The following NLGN1 variants were observed in gnomAD, a reference collection of about 807,000 sequenced individuals.
The protein encoded by NLGN1 is neuroligin 1, also known as neuroligin-1.
NLGN1 carries 12 observed loss-of-function variants against 65.5 expected under a neutral mutation model. That is an observed-to-expected ratio of 0.18 (90% CI 0.12 to 0.30). NLGN1 has a LOEUF of 0.30. Among genes scored for constraint, NLGN1 ranks in the 10% least tolerant of loss-of-function variants. The pLI is 1.00. For missense variants in NLGN1, 750 were observed against 1,007.1 expected (o/e 0.74, Z 3.46); for synonymous variants, 350 against 359.5 (o/e 0.97, Z 0.30).
At chr3:173,825,423 C>T (rs1721144902) in intron 4 of NLGN1, among the ~76,000 whole-genome samples, 1 of 151,938 alleles carries the variant, frequency 6.6e-6, no homozygotes, top group African/African-American at 2.4e-5. Context: ...TCAATTTCAA[C>T]ATTGATTTTG....
At chr3:173,807,590 CCT>C in intron 3 of NLGN1, 88 bp from the exon 4 acceptor site, 1 of 1,413,708 alleles carries the variant, frequency 7.1e-7, no homozygotes, top group Non-Finnish European at 9.7e-7. Context: ...GAAATTATGC[CCT>C]CTTTTCACTA....
At chr3:173,769,857 C>T (rs1779327246) in intron 3 of NLGN1, among the ~76,000 whole-genome samples, 1 of 152,200 alleles carries the variant, frequency 6.6e-6, no homozygotes, top group African/African-American at 2.4e-5. Context: ...GCTTCTGCTA[C>T]ATTCTTCCCT....
At chr3:173,878,083 C>T (rs1732475743) in intron 4 of NLGN1, among the ~76,000 whole-genome samples, 1 of 151,922 alleles carries the variant, frequency 6.6e-6, no homozygotes. Flanking sequence ...GCTCTGTCAC[C>T]CAGGCTGGAG....
chr3:174,047,267 CAA>C lies in NLGN1; in HGVS notation c.647-228047_647-228046del, dbSNP rs144855538. On this transcript the variant is annotated intron_variant, in intron 4 of 6. Coordinates refer to ENST00000457714, the Ensembl canonical transcript of NLGN1. ...AAAGTGTACATTTTTCTATTTTCCACAAGTTAGTGAAAAGACAAGATTCCACT... is the reference window on the plus strand; with the variant it reads ...AAAGTGTACATTTTTCTATTTTCCACGTTAGTGAAAAGACAAGATTCCACT... Among the ~76,000 whole-genome samples, 458 of 151,994 alleles carry C rather than the reference CAA, an allele frequency of 3.0e-3. 2 individuals carry two copies. Among genetic ancestry groups the C allele is most frequent in the African/African-American group, 9.7e-3 (401 of 41,492 alleles).
chr3:174,118,528 A>G (rs1452606547), intron 4 of NLGN1, among the ~76,000 whole-genome samples: 2 of 152,202 alleles, frequency 1.3e-5, no homozygotes, highest in Admixed American at 1.3e-4. Context: ...GTTGCAATAA[A>G]TGTTAAGATT....
At chr3:173,890,383 C>T (rs188977428) in intron 4 of NLGN1, among the ~76,000 whole-genome samples, 96 of 152,158 alleles carry the variant, frequency 6.3e-4, no homozygotes, top group Non-Finnish European at 4.3e-4. Flanking sequence ...AAGGTTGGGC[C>T]GGAGACCGCA....
intron 4 of NLGN1, among the ~76,000 whole-genome samples, chr3:173,962,697 G>T (rs1403108859): frequency 2.0e-5 from 3 of 152,036 alleles, no homozygotes; most frequent in African/African-American, 7.2e-5. Context: ...TAATATAAAG[G>T]CATGTTATTT....
At chr3:174,217,015 T>C (rs1482507844) in intron 4 of NLGN1, among the ~76,000 whole-genome samples, 1 of 152,100 alleles carries the variant, frequency 6.6e-6, no homozygotes, top group East Asian at 1.9e-4. Flanking sequence ...CTTAAAACAA[T>C]GCAATTTCAT....
chr3:173,842,653 G>C (rs1319708201), intron 4 of NLGN1, among the ~76,000 whole-genome samples: 1 of 152,174 alleles, frequency 6.6e-6, no homozygotes, highest in African/African-American at 2.4e-5. Context: ...TTTGACTCCA[G>C]GTCTCACATC....
intron 3 of NLGN1, among the ~76,000 whole-genome samples, chr3:173,611,275 C>G (rs79494567): frequency 6.6e-6 from 1 of 152,028 alleles, no homozygotes; most frequent in Non-Finnish European, 1.5e-5. Context: ...AGGTTCTCAC[C>G]GTCACTTTCC....
chr3:174,246,391 G>T (rs1036821670), intron 4 of NLGN1, among the ~76,000 whole-genome samples: 5 of 152,078 alleles, frequency 3.3e-5, no homozygotes, highest in Non-Finnish European at 5.9e-5. Context: ...CATTATTCTT[G>T]AGGAAAAACT....
chr3:174,199,099 G>A (rs1363153829), intron 4 of NLGN1, among the ~76,000 whole-genome samples: 1 of 151,916 alleles, frequency 6.6e-6, no homozygotes, highest in Non-Finnish European at 1.5e-5. Flanking sequence ...CGCCCACCTC[G>A]GCCTCCCAAA....
chr3:173,595,664 A>G (rs1749342670), intron 2 of NLGN1, among the ~76,000 whole-genome samples: 1 of 152,034 alleles, frequency 6.6e-6, no homozygotes, highest in Non-Finnish European at 1.5e-5. Context: ...GTTCATTTTC[A>G]TGTTGCTGAT....
Position 174,114,762 on chromosome 3 carries a change from G to A in NLGN1, c.647-160553G>A, listed in dbSNP as rs1716022011. On this transcript the variant is annotated intron_variant, in intron 4 of 6. Coordinates refer to ENST00000457714, the Ensembl canonical transcript of NLGN1. The stretch of plus-strand genomic sequence containing the variant: ...CTTTTCCACCTCATAGATGTACCCA[G>A]AAAATGCATCTTTCTTTATAATGTT... Among the ~76,000 whole-genome samples, 4 of 152,162 alleles carry A rather than the reference G, an allele frequency of 2.6e-5. No individual in the cohort carries two copies. In the South Asian group the frequency reaches 8.3e-4, roughly 32 times the overall value.
intron 4 of NLGN1, among the ~76,000 whole-genome samples, chr3:173,844,310 A>C (rs183417734): frequency 4.1e-4 from 63 of 152,330 alleles, no homozygotes; most frequent in African/African-American, 1.5e-3. Context: ...GTAGTAGAGT[A>C]AGACAGAGGG....
intron 4 of NLGN1, among the ~76,000 whole-genome samples, chr3:173,809,547 C>T (rs956977025): frequency 5.3e-5 from 8 of 152,022 alleles, no homozygotes; most frequent in African/African-American, 1.4e-4. Context: ...CTTGAACATC[C>T]AGTTATTCAT....
intron 4 of NLGN1, among the ~76,000 whole-genome samples, chr3:174,144,423 A>G (rs1722830815): frequency 6.6e-6 from 1 of 152,178 alleles, no homozygotes; most frequent in Non-Finnish European, 1.5e-5. Flanking sequence ...TCCTTTGGGT[A>G]TATACCCAGT....
At position 173,965,410 on chromosome 3, in the gene NLGN1, C is replaced by T. The variant is rs537471863; in HGVS notation, c.646+157578C>T. Among the ~76,000 whole-genome samples the T allele has an allele frequency of 4.0e-5, 6 of 151,836 alleles. No homozygotes were observed. The East Asian group carries it at 7.8e-4, about 20-fold the overall frequency. On this transcript the variant is annotated intron_variant, in intron 4 of 6. Coordinates refer to ENST00000457714, the Ensembl canonical transcript of NLGN1. Reference sequence around the variant, plus strand: ...TTGGCTCACTGCAGGCTCCACCTCCCGGGTTCAAGAGATTCTCATGCTTCA... The same window carrying T: ...TTGGCTCACTGCAGGCTCCACCTCCTGGGTTCAAGAGATTCTCATGCTTCA...
At chr3:173,565,595 T>C (rs1326392717) in intron 2 of NLGN1, among the ~76,000 whole-genome samples, 1 of 152,116 alleles carries the variant, frequency 6.6e-6, no homozygotes, top group African/African-American at 2.4e-5. Context: ...CCCAGAGATG[T>C]AGGTTTATTA....
Sources: allele counts gnomAD v4.1 joint callset (sites outside exome capture counted in the v4.1 genomes callset), GRCh38; gene constraint gnomAD v4.1.1; transcripts MANE v1.5; gene names NCBI Gene and HGNC (gene_info 2026-07-23, HGNC 2026-07-21).